RIPOR3: variants seen among roughly 807,000 people sequenced by gnomAD.
RIPOR3 encodes RIPOR family member 3.
RIPOR3 carries 95 observed loss-of-function variants against 114.3 expected under a neutral mutation model. The ratio of observed to expected loss-of-function variants is 0.83; its 90% CI spans 0.70 to 0.99. The LOEUF (loss-of-function observed/expected upper bound fraction) is 0.99, where lower values mean the gene tolerates loss of function less well. Ranked by LOEUF, RIPOR3 falls within the 50% of genes least tolerant of loss-of-function variation. RIPOR3 has a pLI of 0.00. For synonymous variants in RIPOR3, 575 were observed against 543.8 expected (o/e 1.06, Z -0.80); for missense variants, 1,252 against 1,266.9 (o/e 0.99, Z 0.18).
chr20:50,674,033 G>A (rs536114330), intron 1 of RIPOR3, among the ~76,000 whole-genome samples: 76 of 152,278 alleles, frequency 5.0e-4, no homozygotes, highest in Non-Finnish European at 9.3e-4. Flanking sequence ...AGCCGGACAC[G>A]AGCGTTCCAA....
chr20:50,686,500 G>A (rs971885720), intron 1 of RIPOR3, among the ~76,000 whole-genome samples: 3 of 152,006 alleles, frequency 2.0e-5, no homozygotes, highest in Non-Finnish European at 4.4e-5. Flanking sequence ...TGTAATTCCA[G>A]CACTTTTGGA....
At chr20:50,675,773 C>T (rs765699333) in intron 1 of RIPOR3, among the ~76,000 whole-genome samples, 14 of 152,202 alleles carry the variant, frequency 9.2e-5, no homozygotes, top group Non-Finnish European at 1.8e-4. Flanking sequence ...TCTCGGCCCC[C>T]GGGCTGTGGA....
chr20:50,594,296 A>T (rs1009261663), intron 17 of RIPOR3, among the ~76,000 whole-genome samples: 5 of 147,936 alleles, frequency 3.4e-5, no homozygotes, highest in Non-Finnish European at 6.0e-5. Flanking sequence ...AAAAAAAAAA[A>T]TGCACCGGCC....
chr20:50,594,473 A>AG (rs2083220555), intron 17 of RIPOR3, 80 bp downstream of exon 17: 1 of 1,510,286 alleles, frequency 6.6e-7, no homozygotes, highest in Non-Finnish European at 9.0e-7. Context: ...AAATGAGGCC[A>AG]GCTGTGGCCA....
At chr20:50,661,198 A>G (rs544891674) in intron 1 of RIPOR3, among the ~76,000 whole-genome samples, 1 of 151,862 alleles carries the variant, frequency 6.6e-6, no homozygotes, top group South Asian at 2.1e-4. Context: ...AAATCACGCC[A>G]CTGCACTCCA....
At position 50,616,918 on chromosome 20, in the gene RIPOR3, G is replaced by A. The variant is rs527432301; in HGVS notation, c.270-838C>T. On this transcript the variant is annotated intron_variant, in intron 3 of 21. Coordinates refer to ENST00000327979, the MANE Select transcript of RIPOR3 (RefSeq NM_001290268.2). ...AACACTTTGGGAGGCCGAGGTGGGC[G>A]GATCACAAGGTCAGGTAATCGAGAC... is the stretch of plus-strand genomic sequence containing the variant. 1.8e-4 allele frequency among the ~76,000 whole-genome samples: 27 copies of A among 152,228 alleles called. 1 individual carries two copies. The South Asian group carries it at 2.5e-3, about 14-fold the overall frequency.
intron 1 of RIPOR3, among the ~76,000 whole-genome samples, chr20:50,632,322 G>A (rs1460967151): frequency 2.0e-5 from 3 of 152,168 alleles, no homozygotes; most frequent in Non-Finnish European, 4.4e-5. Context: ...AACCTCCCAC[G>A]GAGACTGCTG....
chr20:50,624,688 G>A (rs1182959498), intron 2 of RIPOR3, among the ~76,000 whole-genome samples: 1 of 152,200 alleles, frequency 6.6e-6, no homozygotes, highest in Non-Finnish European at 1.5e-5. Context: ...ACCAGGTCTG[G>A]GAGGACTCAG....
chr20:50,593,914 T>C (rs1405633854), intron 17 of RIPOR3, among the ~76,000 whole-genome samples: 2 of 151,700 alleles, frequency 1.3e-5, no homozygotes, highest in African/African-American at 2.4e-5. Context: ...CTGCCTCCCT[T>C]CCCATAAGGT....
chr20:50,592,565 G>C lies in RIPOR3; in HGVS notation c.2375-19C>G. The C allele has an allele frequency of 6.8e-7, 1 of 1,480,458 alleles. No homozygotes were observed. The highest frequency in any genetic ancestry group is 9.0e-7 in the Non-Finnish European group (1 of 1,114,772). The allele number at this position is 1,480,458 out of a possible 1,614,324, so 91.7% of individuals were successfully genotyped here. ...AGTGTCACTAGAAGACAGGAAAGAG[G>C]TGGGCCCAGGTCCCCTGAATGGGAG... On this transcript the variant is annotated intron_variant, in intron 18 of 21. Coordinates refer to ENST00000327979, the MANE Select transcript of RIPOR3 (RefSeq NM_001290268.2).
chr20:50,599,916 TGA>T (rs538098082), intron 13 of RIPOR3, among the ~76,000 whole-genome samples: 6 of 152,042 alleles, frequency 3.9e-5, no homozygotes, highest in Admixed American at 6.6e-5. Flanking sequence ...TTTTTTCTTT[TGA>T]GAGAGAGAGT....
chr20:50,609,506 C>G, intron 7 of RIPOR3, 67 bp downstream of exon 7: 1 of 1,443,530 alleles, frequency 6.9e-7, no homozygotes, highest in East Asian at 2.5e-5. Flanking sequence ...GCCCAGCTCT[C>G]GATGTCCCCA....
At chr20:50,621,048 A>G (rs900152451) in intron 2 of RIPOR3, 15 of 475,914 alleles carry the variant, frequency 3.2e-5, no homozygotes, top group Non-Finnish European at 5.4e-5. Context: ...CCTGGCCGCC[A>G]TGAGGAAAGC....
At chr20:50,685,365 C>T (rs1212731117) in intron 1 of RIPOR3, among the ~76,000 whole-genome samples, 1 of 151,596 alleles carries the variant, frequency 6.6e-6, no homozygotes, top group Non-Finnish European at 1.5e-5. Flanking sequence ...TACAGGAGCC[C>T]GCCACTGCGC....
intron 1 of RIPOR3, 76 bp from the exon 2 acceptor site, chr20:50,630,932 C>A: frequency 1.8e-6 from 2 of 1,139,808 alleles, no homozygotes; most frequent in Non-Finnish European, 2.6e-6. Flanking sequence ...CCACCTTCCA[C>A]CAACACCTAC....
intron 14 of RIPOR3, 31 bp from the exon 15 acceptor site, chr20:50,596,294 C>G: frequency 1.2e-6 from 2 of 1,613,584 alleles, no homozygotes; most frequent in South Asian, 2.2e-5. Flanking sequence ...GGTGACCATT[C>G]CAGTTAGCAG....
chr20:50,602,657 C>A lies in RIPOR3; in HGVS notation c.1087-13G>T. 1 of 1,442,822 alleles carries A rather than the reference C, an allele frequency of 6.9e-7. No homozygotes were observed. Among genetic ancestry groups the A allele is most frequent in the Admixed American group, 2.5e-5 (1 of 39,778 alleles). 89.4% of individuals were successfully genotyped at this position (1,442,822 alleles called of 1,614,324 possible). Reference sequence around the variant, plus strand: ...GCTGTAGGACAGACTGGAGAGGGGACACGGGAGCGGCCTCACCAGCCACCC... The same window carrying A: ...GCTGTAGGACAGACTGGAGAGGGGAAACGGGAGCGGCCTCACCAGCCACCC... On this transcript the variant is annotated splice_polypyrimidine_tract_variant and intron_variant, in intron 12 of 21. Coordinates refer to ENST00000327979, the MANE Select transcript of RIPOR3 (RefSeq NM_001290268.2). The surrounding 1 kb of genome is among the most constrained non-coding windows in gnomAD (Gnocchi z 4.3).
intron 1 of RIPOR3, among the ~76,000 whole-genome samples, chr20:50,652,708 C>T (rs1169009766): frequency 6.6e-6 from 1 of 152,120 alleles, no homozygotes; most frequent in East Asian, 1.9e-4. Flanking sequence ...GAAGTCCTGA[C>T]GGCTGAGCAT....
chr20:50,664,217 G>A (rs952333375), intron 1 of RIPOR3, among the ~76,000 whole-genome samples: 15 of 152,152 alleles, frequency 9.9e-5, no homozygotes, highest in African/African-American at 1.9e-4. Flanking sequence ...GTGAGCCACC[G>A]CACCTGGCCC....
Sources: gnomAD v4.1 joint callset for allele counts (sites outside exome capture counted in the v4.1 genomes callset) on GRCh38, gnomAD v4.1.1 for gene constraint, Gnocchi (gnomAD v3.1) non-coding constraint, MANE v1.5 for transcripts, NCBI Gene and HGNC (gene_info 2026-07-23, HGNC 2026-07-21) for gene names.